The following EPG5 variants were observed in gnomAD, a reference collection of about 807,000 sequenced individuals.
EPG5 encodes the protein ectopic P-granules 5 autophagy tethering factor, also known as ectopic P granules protein 5 homolog.
EPG5 carries 159 observed loss-of-function variants against 302.7 expected under a neutral mutation model. That is an observed-to-expected ratio of 0.53 (90% CI 0.46 to 0.60). The LOEUF is 0.60. Ranked by LOEUF, EPG5 falls within the 20% of genes least tolerant of loss-of-function variation. EPG5 has a pLI of 0.00. For synonymous variants in EPG5, 1,158 were observed against 1,136.8 expected (o/e 1.02, Z -0.37); for missense variants, 2,896 against 3,092.4 (o/e 0.94, Z 1.51).
At chr18:45,919,846 T>C (rs1266937666) in intron 16 of EPG5, among the ~76,000 whole-genome samples, 1 of 152,074 alleles carries the variant, frequency 6.6e-6, no homozygotes, top group Non-Finnish European at 1.5e-5. Context: ...CCTCATAAAG[T>C]AAGTTTGGTG....
In EPG5 at chr18:45,937,235, T is replaced by C. The variant is rs866613231; in HGVS notation, c.2100-2269A>G. ...AGTCTGGCATATATATACATATATA[T>C]ACACACACACACACACACACACACA... On this transcript the variant is annotated intron_variant, in intron 10 of 43. Transcript: ENST00000282041. Among the ~76,000 whole-genome samples the C allele has an allele frequency of 9.1e-3, 1,239 of 136,770 alleles. 14 individuals are homozygous for C. Among genetic ancestry groups the C allele is most frequent in the African/African-American group, 0.023 (832 of 36,378 alleles). 89.7% of individuals were successfully genotyped at this position (136,770 alleles called of 152,430 possible).
intron 20 of EPG5, among the ~76,000 whole-genome samples, chr18:45,914,796 ACTC>A: frequency 6.6e-6 from 1 of 151,892 alleles, no homozygotes; most frequent in Non-Finnish European, 1.5e-5. Flanking sequence ...AGAGCTGTCT[ACTC>A]CTGAGACAGT....
chr18:45,916,410 T>C, intron 18 of EPG5, 28 bp downstream of exon 18: 2 of 1,594,350 alleles, frequency 1.3e-6, no homozygotes, highest in Admixed American at 1.7e-5. Context: ...CAGGCGGGAG[T>C]GTGCTTAGGG....
chr18:45,940,093 C>G (rs550739312), intron 9 of EPG5, among the ~76,000 whole-genome samples: 1 of 151,922 alleles, frequency 6.6e-6, no homozygotes, highest in African/African-American at 2.4e-5. Context: ...GTTGGGAGCA[C>G]GAAAGGGCTT....
intron 39 of EPG5, among the ~76,000 whole-genome samples, chr18:45,865,394 T>C (rs572094725): frequency 5.3e-5 from 8 of 152,304 alleles, no homozygotes; most frequent in Admixed American, 2.0e-4. Context: ...TTAGATCCCA[T>C]TGTCCAGCTT....
At chr18:45,957,635 C>T (rs1355974086) in intron 1 of EPG5, among the ~76,000 whole-genome samples, 2 of 152,162 alleles carry the variant, frequency 1.3e-5, no homozygotes, top group Admixed American at 6.5e-5. Context: ...AAACATTTCA[C>T]TCTCATTTTG....
chr18:45,852,674 G>A (rs376269151), intron 43 of EPG5, 25 bp from the exon 44 acceptor site: 6 of 1,605,170 alleles, frequency 3.7e-6, no homozygotes, highest in African/African-American at 1.3e-5. Context: ...AGATGAGAGG[G>A]TTAACTCCAT....
At chr18:45,864,246 T>C (rs570731055) in intron 39 of EPG5, among the ~76,000 whole-genome samples, 5 of 152,254 alleles carry the variant, frequency 3.3e-5, no homozygotes, top group African/African-American at 1.2e-4. Context: ...CATGCCCAGC[T>C]CACTTTTACG....
Position 45,899,509 on chromosome 18 carries a change from T to C in EPG5, c.4704A>G (p.Thr1568=), listed in dbSNP as rs1325907243. 6.2e-7 allele frequency: 1 copy of C among 1,614,080 alleles called. No homozygotes were observed. The highest frequency in any genetic ancestry group is 8.5e-7 in the Non-Finnish European group (1 of 1,180,042). Residue 1568 remains threonine (T), a synonymous_variant, in exon 27 of 44, where the codon ACA becomes ACG. Transcript: ENST00000282041. ...QVALDGELLD[T]MPKQYVNREE... is the part of the protein sequence containing the mutation. ...CACGATTCACATACTGCTTTGGCATTGTGTCTAACAGCTCACCATCCAGAG... is the reference window on the plus strand; with the variant it reads ...CACGATTCACATACTGCTTTGGCATCGTGTCTAACAGCTCACCATCCAGAG...
At chr18:45,883,270 C>G (rs1438640692) in intron 30 of EPG5, among the ~76,000 whole-genome samples, 2 of 152,096 alleles carry the variant, frequency 1.3e-5, no homozygotes, top group Non-Finnish European at 2.9e-5. Flanking sequence ...GGCGACAGTG[C>G]CACAAATAAG....
At position 45,860,296 on chromosome 18, in the gene EPG5, C is replaced by G. The variant is rs368888695; in HGVS notation, c.6817G>C (p.Val2273Leu). The change falls in exon 40 of 44, where the codon GTC becomes CTC. Residue 2273 changes from valine to leucine, a missense_variant. This residue lies in a region of EPG5 where 620 missense variants were observed against 704.2 expected (regional missense o/e 0.88). Coordinates refer to ENST00000282041, the MANE Select transcript of EPG5 (RefSeq NM_020964.3). Reference protein sequence around the residue: ...HMALSSLFMEVLMMMNNATIP... With the variant: ...HMALSSLFMELLMMMNNATIP... ...GTCGCGTTGTTCATCATCATCAGGACTTCCATAAAGAGGCTGCTGAGGGCC... is the reference window on the plus strand; with the variant it reads ...GTCGCGTTGTTCATCATCATCAGGAGTTCCATAAAGAGGCTGCTGAGGGCC... 3 of 1,614,232 alleles carry G rather than the reference C, an allele frequency of 1.9e-6. No homozygotes were observed. The highest frequency in any genetic ancestry group is 1.7e-6 in the Non-Finnish European group (2 of 1,180,046).
intron 13 of EPG5, among the ~76,000 whole-genome samples, chr18:45,926,355 C>A (rs2050268504): frequency 6.6e-6 from 1 of 152,034 alleles, no homozygotes; most frequent in South Asian, 2.1e-4. Context: ...GAAACAAGAT[C>A]AACAAAGAGA....
intron 10 of EPG5, among the ~76,000 whole-genome samples, chr18:45,938,986 G>A (rs2050600507): frequency 6.6e-6 from 1 of 152,188 alleles, no homozygotes; most frequent in Admixed American, 6.5e-5. Context: ...TCTCCTAGCG[G>A]AGGGCATAAT....
At position 45,934,820 on chromosome 18, in the gene EPG5, T is replaced by C. The variant is rs1236988446; in HGVS notation, c.2246A>G (p.Gln749Arg). 2 of 1,613,026 alleles carry C rather than the reference T, an allele frequency of 1.2e-6. No homozygotes were observed. Among genetic ancestry groups the C allele is most frequent in the Non-Finnish European group, 1.7e-6 (2 of 1,179,690 alleles). The change falls in exon 11 of 44, where the codon CAG becomes CGG. Residue 749 changes from glutamine to arginine, a missense_variant. By Grantham distance (43) the Gln-to-Arg change is conservative. Transcript: ENST00000282041. ...SSSLQPAQCK[Q>R]QLQDPEHFTN... is the part of the protein sequence containing the mutation. ...CGGCGGGGCTGTACCTTGGAGCTGCTGCTTGCACTGGGCGGGCTGCAGGGA... is the reference window on the plus strand; with the variant it reads ...CGGCGGGGCTGTACCTTGGAGCTGCCGCTTGCACTGGGCGGGCTGCAGGGA...
intron 27 of EPG5, 80 bp from the exon 28 acceptor site, chr18:45,890,020 T>C: frequency 8.0e-7 from 1 of 1,254,810 alleles, no homozygotes; most frequent in Non-Finnish European, 1.1e-6. Flanking sequence ...GAAATAAAAT[T>C]ATTGTCTTAT....
At chr18:45,878,917 T>C in intron 33 of EPG5, 96 bp downstream of exon 33, 1 of 970,796 alleles carries the variant, frequency 1.0e-6, no homozygotes, top group South Asian at 1.5e-5. Context: ...CTTTCTCTCC[T>C]TGACACTCAA....
chr18:45,882,427 G>A lies in EPG5; in HGVS notation c.5365C>T (p.Leu1789=). 1 of 1,614,194 alleles carries A rather than the reference G, an allele frequency of 6.2e-7. No homozygotes were observed. The highest frequency in any genetic ancestry group is 8.5e-7 in the Non-Finnish European group (1 of 1,180,036). Reference sequence around the variant, plus strand: ...GTAAGTGCCAAGTGAATGGACTCCAGAAGCCTGGTACGATCAGACAGAGGA... The same window carrying A: ...GTAAGTGCCAAGTGAATGGACTCCAAAAGCCTGGTACGATCAGACAGAGGA... ...KPPLSDRTRL[L]ESIHLALTAW... The change falls in exon 31 of 44, where the codon CTG becomes TTG. Residue 1789 remains leucine (L), a synonymous_variant. Transcript: ENST00000282041.
At chr18:45,928,020 C>G (rs1202681877) in intron 13 of EPG5, among the ~76,000 whole-genome samples, 1 of 151,992 alleles carries the variant, frequency 6.6e-6, no homozygotes, top group African/African-American at 2.4e-5. Flanking sequence ...ACAGTGAAAC[C>G]TCGTCTCTAT....
intron 1 of EPG5, among the ~76,000 whole-genome samples, chr18:45,957,157 A>G (rs1193955352): frequency 2.0e-5 from 3 of 152,178 alleles, no homozygotes. Context: ...GCAGACTAAT[A>G]GCCAAAAAAG....
Sources: gnomAD v4.1 joint callset for allele counts (sites outside exome capture counted in the v4.1 genomes callset) on GRCh38, gnomAD v4.1.1 for gene constraint, gnomAD v4.1.1 regional missense constraint, MANE v1.5 for transcripts, NCBI Gene and HGNC (gene_info 2026-07-23, HGNC 2026-07-21) for gene names.